Variants in BEND4 observed in about 807,000 individuals in gnomAD.
BEND4 encodes BEN domain-containing protein 4.
In BEND4, 27 loss-of-function variants were observed where a neutral mutation model predicts 54.7. The ratio of observed to expected loss-of-function variants is 0.49; its 90% confidence interval spans 0.36 to 0.68. BEND4 has a LOEUF of 0.68. BEND4 is among the 30% of genes least tolerant of loss of function. BEND4 has a pLI of 0.00. For synonymous variants in BEND4, 327 were observed against 299.5 expected, an observed-to-expected ratio of 1.09 and a Z score of -0.95; for missense variants, 702 against 697.2, an observed-to-expected ratio of 1.01 and a Z score of -0.08.
At chr4:42,134,577 T>C (rs1212043649) in intron 3 of BEND4, among the ~76,000 whole-genome samples, 1 of 152,218 alleles carries the variant, frequency 6.6e-6, no homozygotes, top group Non-Finnish European at 1.5e-5. Flanking sequence ...TGACTTTGCG[T>C]CTCTGTCCTC....
intron 2 of BEND4, among the ~76,000 whole-genome samples, chr4:42,146,427 T>C (rs1231583040): frequency 2.0e-5 from 3 of 152,234 alleles, no homozygotes; most frequent in African/African-American, 7.2e-5. Context: ...GATTTATACT[T>C]TGTAATTATC....
At position 42,121,404 on chromosome 4, in the gene BEND4, G is replaced by A. The variant is rs531915361; in HGVS notation, c.1147-1110C>T. Among the ~76,000 whole-genome samples, 3 of 152,292 alleles carry A rather than the reference G, an allele frequency of 2.0e-5. No homozygotes were observed. The East Asian group carries it at 5.8e-4, about 29-fold the overall frequency. On this transcript the variant is annotated intron_variant, in intron 4 of 5. Coordinates refer to ENST00000502486, the MANE Select transcript of BEND4 (RefSeq NM_207406.4). ...TCCTCAACAAGCAACGGCGTGATGT[G>A]GTTTCCTTTCCTAAGGAAGGCAACT...
chr4:42,143,077 T>C (rs933273694), intron 3 of BEND4, among the ~76,000 whole-genome samples: 7 of 150,886 alleles, frequency 4.6e-5, no homozygotes, highest in African/African-American at 9.6e-5. Flanking sequence ...AACAGGCTTA[T>C]AGCACTTGAC....
At chr4:42,150,041 A>C (rs771988046) in intron 2 of BEND4, among the ~76,000 whole-genome samples, 64 of 152,220 alleles carry the variant, frequency 4.2e-4, no homozygotes, top group Non-Finnish European at 6.9e-4. Context: ...AGTAAAAGCA[A>C]AACACAGAAA....
At chr4:42,141,646 C>T (rs952831856) in intron 3 of BEND4, among the ~76,000 whole-genome samples, 1 of 152,082 alleles carries the variant, frequency 6.6e-6, no homozygotes, top group African/African-American at 2.4e-5. Context: ...GAGGCTGAGG[C>T]AGGAGAATCG....
At chr4:42,126,310 A>G (rs1022964454) in intron 3 of BEND4, among the ~76,000 whole-genome samples, 1 of 152,236 alleles carries the variant, frequency 6.6e-6, no homozygotes, top group South Asian at 2.1e-4. Context: ...CAGCAGTAGC[A>G]CCCAATGATG....
chr4:42,120,044 G>A lies in BEND4; in HGVS notation c.1387+10C>T, dbSNP rs1429567632. The A allele has an allele frequency of 1.2e-6, 2 of 1,613,822 alleles. No homozygotes were observed. Among genetic ancestry groups the A allele is most frequent in the African/African-American group, 1.3e-5 (1 of 74,924 alleles). ...CACAGATGGTGACACTGAGCGGAAG[G>A]ATGCAGTACCTCGGAGGCATGTTAC... On this transcript the variant is annotated intron_variant, in intron 5 of 5. Coordinates refer to ENST00000502486, the MANE Select transcript of BEND4 (RefSeq NM_207406.4).
chr4:42,146,349 G>T (rs1172081723), intron 2 of BEND4, among the ~76,000 whole-genome samples: 2 of 152,204 alleles, frequency 1.3e-5, no homozygotes, highest in African/African-American at 4.8e-5. Flanking sequence ...TCCAAACCTG[G>T]TTACTGTGAA....
intron 4 of BEND4, among the ~76,000 whole-genome samples, chr4:42,122,902 T>G (rs1424841651): frequency 2.0e-5 from 3 of 152,198 alleles, no homozygotes; most frequent in African/African-American, 7.2e-5. Context: ...GAGTTCACCC[T>G]GTAAGCGATG....
intron 4 of BEND4, among the ~76,000 whole-genome samples, chr4:42,120,652 G>C (rs979420533): frequency 1.3e-5 from 2 of 152,162 alleles, no homozygotes; most frequent in African/African-American, 2.4e-5. Context: ...AAACTTTGAA[G>C]AGTGTGATCA....
chr4:42,146,947 A>G (rs1207095286), intron 2 of BEND4, among the ~76,000 whole-genome samples: 1 of 152,190 alleles, frequency 6.6e-6, no homozygotes, highest in African/African-American at 2.4e-5. Context: ...TGACTTAGGG[A>G]CAAGCGTGAT....
In BEND4 at chr4:42,111,312, TA is replaced by T. The variant is rs1719553078; in HGVS notation, c.*6205del. On this transcript the variant is annotated 3_prime_UTR_variant, in exon 6 of 6. Coordinates refer to ENST00000502486, the MANE Select transcript of BEND4 (RefSeq NM_207406.4). ...TAGAGAATCAACAAGACTCCAACAA[TA>T]AAAATATCAGGATCAATGGATTTGT... 6.6e-6 allele frequency: 1 copy of T among 152,134 alleles called. No homozygotes were observed. Among genetic ancestry groups the T allele is most frequent in the South Asian group, 2.1e-4 (1 of 4,834 alleles). 9.4% of individuals were successfully genotyped at this position (152,134 alleles called of 1,614,324 possible). A position where few individuals can be genotyped will look rare whatever the true frequency, so the allele number is the denominator to read the frequency against.
At chr4:42,147,309 T>C (rs1433582362) in intron 2 of BEND4, among the ~76,000 whole-genome samples, 1 of 152,126 alleles carries the variant, frequency 6.6e-6, no homozygotes, top group Non-Finnish European at 1.5e-5. Flanking sequence ...ACACATTGCA[T>C]GCAGCAATAG....
In BEND4 at chr4:42,117,304, T is replaced by C. The variant is rs1719876948; in HGVS notation, c.*214A>G. The C allele has an allele frequency of 2.1e-6, 1 of 473,318 alleles. No homozygotes were observed. Among genetic ancestry groups the C allele is most frequent in the Admixed American group, 3.9e-5 (1 of 25,644 alleles). The allele number at this position is 473,318 out of a possible 1,614,324, so 29.3% of individuals were successfully genotyped here. ...TCATTTAAAAATCAGATGTAGTTTT[T>C]TCTTTTTATAATATAATATTCCAAA... On this transcript the variant is annotated 3_prime_UTR_variant, in exon 6 of 6. Transcript: ENST00000502486.
chr4:42,139,339 C>A (rs1720804578), intron 3 of BEND4, among the ~76,000 whole-genome samples: 1 of 152,060 alleles, frequency 6.6e-6, no homozygotes, highest in Non-Finnish European at 1.5e-5. Context: ...TTCCAGAAGC[C>A]CCTGCCTTGC....
chr4:42,123,709 A>AAAACAAAAC, intron 4 of BEND4, among the ~76,000 whole-genome samples: 1 of 150,980 alleles, frequency 6.6e-6, no homozygotes, highest in African/African-American at 2.4e-5. Context: ...AAAAAAAAAA[A>AAAACAAAAC]AAAAAAAACA....
intron 4 of BEND4, 93 bp downstream of exon 4, chr4:42,125,490 G>T (rs1577750636): frequency 1.1e-6 from 1 of 937,488 alleles, no homozygotes; most frequent in Non-Finnish European, 1.7e-6. Flanking sequence ...AAACTATTTT[G>T]CTAGCCAGTC....
Position 42,112,647 on chromosome 4 carries a change from C to CTGG in BEND4, c.*4868_*4870dup, listed in dbSNP as rs1719619263. The CTGG allele has an allele frequency of 6.6e-6, 1 of 152,176 alleles. No homozygotes were observed. The highest frequency in any genetic ancestry group is 6.5e-5 in the Admixed American group (1 of 15,278). 9.4% of individuals were successfully genotyped at this position (152,176 alleles called of 1,614,324 possible). A position where few individuals can be genotyped will look rare whatever the true frequency, so the allele number is the denominator to read the frequency against. On this transcript the variant is annotated 3_prime_UTR_variant, in exon 6 of 6. Transcript: ENST00000502486. ...GCCTTCAGAAGTCAAATTAACCAAGCTGGTCATCAGATGAGGGAAGTCTCA... is the reference window on the plus strand; with the variant it reads ...GCCTTCAGAAGTCAAATTAACCAAGCTGGTGGTCATCAGATGAGGGAAGTCTCA...
intron 3 of BEND4, among the ~76,000 whole-genome samples, chr4:42,139,012 C>T (rs376524747): frequency 6.6e-6 from 1 of 152,100 alleles, no homozygotes; most frequent in Admixed American, 6.6e-5. Flanking sequence ...TTTATGAGTT[C>T]TCCTTAGTGT....
Sources: allele counts gnomAD v4.1 joint callset (sites outside exome capture counted in the v4.1 genomes callset), GRCh38; gene constraint gnomAD v4.1.1; transcripts MANE v1.5; gene names NCBI Gene and HGNC (gene_info 2026-07-23, HGNC 2026-07-21).